The following TDRD9 variants were observed in gnomAD, a reference collection of about 807,000 sequenced individuals.
TDRD9 encodes the protein ATP-dependent RNA helicase TDRD9.
Under a neutral mutation model 172.6 loss-of-function variants are expected in TDRD9, and 124 were observed. The ratio of observed to expected loss-of-function variants is 0.72; its 90% CI spans 0.62 to 0.83. The LOEUF (loss-of-function observed/expected upper bound fraction) is 0.83, where lower values mean the gene tolerates loss of function less well. TDRD9 is among the 40% of genes least tolerant of loss of function. TDRD9 has a pLI of 0.00. For synonymous variants in TDRD9, 619 were observed against 617.1 expected, an observed-to-expected ratio of 1.00 and a Z score of -0.05; for missense variants, 1,479 against 1,714.1, an observed-to-expected ratio of 0.86 and a Z score of 2.42.
chr14:104,041,476 A>G (rs1471259063), intron 33 of TDRD9, among the ~76,000 whole-genome samples: 1 of 152,268 alleles, frequency 6.6e-6, no homozygotes, highest in Non-Finnish European at 1.5e-5. Flanking sequence ...CAGGTTACAT[A>G]TCTGATGAAG....
At chr14:103,940,181 T>C (rs1294059779) in intron 1 of TDRD9, among the ~76,000 whole-genome samples, 1 of 152,210 alleles carries the variant, frequency 6.6e-6, no homozygotes, top group Non-Finnish European at 1.5e-5. Context: ...GAGTAGCAGC[T>C]ACTCATGTTG....
chr14:104,031,468 GTTTTTTTTTT>G (rs55696833), intron 29 of TDRD9, among the ~76,000 whole-genome samples: 13 of 105,104 alleles, frequency 1.2e-4, no homozygotes, highest in African/African-American at 3.5e-4. Flanking sequence ...GCTTTGACTA[GTTTTTTTTTT>G]TTTTTTTTTT....
intron 35 of TDRD9, 77 bp downstream of exon 35, chr14:104,049,757 A>G (rs1260439561): frequency 3.8e-6 from 5 of 1,306,318 alleles, no homozygotes; most frequent in Admixed American, 2.1e-5. Context: ...CCCAGGGTTC[A>G]GAGCCAGGGC....
chr14:104,039,224 C>T (rs780954704), intron 32 of TDRD9, among the ~76,000 whole-genome samples: 3 of 152,212 alleles, frequency 2.0e-5, no homozygotes, highest in Non-Finnish European at 2.9e-5. Context: ...ATCACGAGAA[C>T]AGCATGAGGT....
chr14:104,033,848 A>G (rs2152254872), intron 30 of TDRD9, 112 bp from the exon 31 acceptor site: 2 of 672,752 alleles, frequency 3.0e-6, no homozygotes, highest in South Asian at 1.7e-5. Flanking sequence ...CTTCCCGTCT[A>G]TCATTGCAGT....
rs115580027 is a variant in TDRD9, at chr14:104,029,472, T to A, written c.3283-1636T>A. On this transcript the variant is annotated intron_variant, in intron 28 of 35. Coordinates refer to ENST00000409874, the MANE Select transcript of TDRD9 (RefSeq NM_153046.3). ...GGGATTGCTTTCTTGATATCTTTTTTAGCTAGTTATTGGTGTATAGAAATG... is the reference window on the plus strand; with the variant it reads ...GGGATTGCTTTCTTGATATCTTTTTAAGCTAGTTATTGGTGTATAGAAATG... Among the ~76,000 whole-genome samples, 407 of 152,310 alleles carry A rather than the reference T, an allele frequency of 2.7e-3. 1 individual carries two copies. Among genetic ancestry groups the A allele is most frequent in the African/African-American group, 4.4e-3 (184 of 41,570 alleles).
chr14:104,020,044 G>A (rs191048290), intron 23 of TDRD9, among the ~76,000 whole-genome samples: 9 of 152,286 alleles, frequency 5.9e-5, no homozygotes, highest in African/African-American at 1.2e-4. Flanking sequence ...AGCTGAGACT[G>A]TGCACACATA....
chr14:104,024,654 C>A lies in TDRD9; in HGVS notation c.2692C>A (p.Leu898Ile). ...TSDRSQTVTD[L>I]LLTIDVTEVV... ...AGACAGGTCCCAGACAGTTACAGAT[C>A]TCCTTCTAACTATTGATGTCACAGA... Residue 898 changes from leucine to isoleucine, a missense_variant, in exon 25 of 36, where the codon CTC becomes ATC. Leu to Ile is a conservative substitution (Grantham distance 5). Transcript: ENST00000409874. The A allele has an allele frequency of 6.2e-7, 1 of 1,606,876 alleles. No homozygotes were observed. Among genetic ancestry groups the A allele is most frequent in the Non-Finnish European group, 8.5e-7 (1 of 1,174,072 alleles).
At chr14:103,985,794 G>A (rs756736479) in intron 7 of TDRD9, among the ~76,000 whole-genome samples, 9 of 152,174 alleles carry the variant, frequency 5.9e-5, no homozygotes, top group Non-Finnish European at 8.8e-5. Flanking sequence ...CTTTTCACAC[G>A]TGAAATCTTA....
intron 9 of TDRD9, 73 bp downstream of exon 9, chr14:103,991,297 AT>A: frequency 6.9e-7 from 1 of 1,455,166 alleles, no homozygotes; most frequent in South Asian, 1.2e-5. Context: ...CCTAACACAG[AT>A]TATGAAAGAT....
Position 104,006,532 on chromosome 14 carries a change from T to G in TDRD9, c.1857T>G (p.Cys619Trp). 2 of 1,613,838 alleles carry G rather than the reference T, an allele frequency of 1.2e-6. No individual in the cohort carries two copies. The highest frequency in any genetic ancestry group is 1.7e-6 in the Non-Finnish European group (2 of 1,179,766). The change falls in exon 16 of 36, where the codon TGT becomes TGG. Residue 619 changes from cysteine to tryptophan, a missense_variant. This residue lies in a region of TDRD9 where 1,413 missense variants were observed against 1,649.1 expected (regional missense o/e 0.86). Coordinates refer to ENST00000409874, the MANE Select transcript of TDRD9 (RefSeq NM_153046.3). Reference protein sequence around the residue: ...KLIVLGHVFGCLDECLIIAAA... With the variant: ...KLIVLGHVFGWLDECLIIAAA... Reference sequence around the variant, plus strand: ...TAGTCCTTGGACATGTATTTGGATGTCTAGATGAATGTCTTATTATAGGTA... The same window carrying G: ...TAGTCCTTGGACATGTATTTGGATGGCTAGATGAATGTCTTATTATAGGTA...
intron 1 of TDRD9, among the ~76,000 whole-genome samples, chr14:103,932,457 G>A (rs529871378): frequency 3.3e-5 from 5 of 151,830 alleles, no homozygotes; most frequent in African/African-American, 1.2e-4. Flanking sequence ...GCGCCATCTC[G>A]GCTCACTGCA....
chr14:104,033,220 A>C (rs1017899599), intron 30 of TDRD9, among the ~76,000 whole-genome samples: 7 of 152,244 alleles, frequency 4.6e-5, no homozygotes, highest in African/African-American at 1.7e-4. Context: ...TTGGAAATGC[A>C]GATGCCCAGG....
At chr14:103,957,199 T>C (rs1293024170) in intron 2 of TDRD9, among the ~76,000 whole-genome samples, 2 of 152,236 alleles carry the variant, frequency 1.3e-5, no homozygotes, top group South Asian at 2.1e-4. Context: ...TTCATTTTTT[T>C]GGTCAGTGTG....
chr14:104,011,012 G>A (rs1333349890), intron 20 of TDRD9, among the ~76,000 whole-genome samples: 2 of 152,218 alleles, frequency 1.3e-5, no homozygotes, highest in African/African-American at 4.8e-5. Context: ...GTTTACACCA[G>A]CATCACTGCA....
chr14:103,962,687 C>T (rs960239790), intron 2 of TDRD9, among the ~76,000 whole-genome samples: 3 of 151,940 alleles, frequency 2.0e-5, no homozygotes, highest in African/African-American at 4.8e-5. Flanking sequence ...TCTTTATGTT[C>T]GTGTGTACCC....
At chr14:104,027,983 C>T (rs2035174396) in intron 28 of TDRD9, among the ~76,000 whole-genome samples, 1 of 152,192 alleles carries the variant, frequency 6.6e-6, no homozygotes. Context: ...TTTTACTTAA[C>T]ATACCATCCT....
intron 20 of TDRD9, among the ~76,000 whole-genome samples, chr14:104,012,297 A>G (rs1215545576): frequency 6.6e-6 from 1 of 152,262 alleles, no homozygotes; most frequent in East Asian, 1.9e-4. Context: ...AGGCTTGGCA[A>G]TGACCTTTCA....
intron 14 of TDRD9, chr14:104,005,066 C>T: frequency 2.4e-6 from 1 of 414,294 alleles, no homozygotes; most frequent in Non-Finnish European, 4.3e-6. Context: ...CTTCTCTCTC[C>T]CCATCTTTTT....
Sources: allele counts gnomAD v4.1 joint callset (sites outside exome capture counted in the v4.1 genomes callset), GRCh38; gene constraint gnomAD v4.1.1; regional missense constraint gnomAD v4.1.1; transcripts MANE v1.5; gene names NCBI Gene and HGNC (gene_info 2026-07-23, HGNC 2026-07-21).